NALCN: variants seen among roughly 807,000 people sequenced by gnomAD.
NALCN encodes sodium leak channel NALCN.
NALCN carries 111 observed loss-of-function variants against 225.3 expected under a neutral mutation model. The ratio of observed to expected loss-of-function variants is 0.49; its 90% CI spans 0.42 to 0.58. NALCN has a LOEUF of 0.58. NALCN is among the 20% of genes least tolerant of loss of function. NALCN has a pLI of 0.00. For synonymous variants in NALCN, 764 were observed against 769.0 expected (o/e 0.99, Z 0.11); for missense variants, 1,378 against 2,202.4 (o/e 0.63, Z 7.49).
intron 15 of NALCN, among the ~76,000 whole-genome samples, chr13:101,145,416 C>G (rs77313334): frequency 0.037 from 5,690 of 152,248 alleles, 357 homozygotes; most frequent in African/African-American, 0.13. Flanking sequence ...ACAAATACCA[C>G]ATTTGGTCCA....
chr13:101,107,612 T>C lies in NALCN; in HGVS notation c.2457-3A>G. On this transcript the variant is annotated splice_region_variant and splice_polypyrimidine_tract_variant and intron_variant, in intron 21 of 43. Transcript: ENST00000251127. ...TGAGTTCCTCTTCTTGCACTTTCCT[T>C]GAAGGAGAAATTCATGGGAGAATGA... is the stretch of plus-strand genomic sequence containing the variant. 6.2e-7 allele frequency: 1 copy of C among 1,614,070 alleles called. No homozygotes were observed. The highest frequency in any genetic ancestry group is 8.5e-7 in the Non-Finnish European group (1 of 1,179,928).
At chr13:101,271,957 T>A (rs1356721895) in intron 10 of NALCN, among the ~76,000 whole-genome samples, 1 of 151,418 alleles carries the variant, frequency 6.6e-6, no homozygotes, top group African/African-American at 2.4e-5. Context: ...TGCATGAGCA[T>A]GTGCGTGTAG....
intron 7 of NALCN, among the ~76,000 whole-genome samples, chr13:101,323,369 G>A (rs1236266536): frequency 6.6e-6 from 1 of 152,072 alleles, no homozygotes; most frequent in Non-Finnish European, 1.5e-5. Flanking sequence ...AAATTTTACG[G>A]CATAATCTGT....
intron 17 of NALCN, among the ~76,000 whole-genome samples, chr13:101,130,982 A>G (rs917518454): frequency 2.6e-5 from 4 of 151,960 alleles, no homozygotes; most frequent in Non-Finnish European, 5.9e-5. Flanking sequence ...ACTTTCTTCA[A>G]TTTGTCATTT....
intron 7 of NALCN, among the ~76,000 whole-genome samples, chr13:101,302,820 A>G (rs2044019899): frequency 6.6e-6 from 1 of 152,110 alleles, no homozygotes. Context: ...TGTATTTGCT[A>G]TCCACATTCT....
chr13:101,134,112 G>C (rs1037965033), intron 17 of NALCN, among the ~76,000 whole-genome samples: 1 of 152,164 alleles, frequency 6.6e-6, no homozygotes, highest in African/African-American at 2.4e-5. Context: ...AGAGCTTGCA[G>C]TGAGCTGAGA....
intron 13 of NALCN, among the ~76,000 whole-genome samples, chr13:101,194,847 T>C (rs2039824970): frequency 1.3e-5 from 2 of 152,018 alleles, no homozygotes; most frequent in Admixed American, 6.6e-5. Context: ...CTACTAAAAA[T>C]ACAAAAATTA....
intron 43 of NALCN, chr13:101,057,293 A>T (rs1404920149): frequency 2.0e-5 from 3 of 153,578 alleles, no homozygotes; most frequent in Non-Finnish European, 2.9e-5. Context: ...CCAAAACCCT[A>T]TAGAGAAGAA....
chr13:101,327,701 C>A (rs567955348), intron 7 of NALCN, among the ~76,000 whole-genome samples: 1 of 151,832 alleles, frequency 6.6e-6, no homozygotes, highest in Non-Finnish European at 1.5e-5. Flanking sequence ...AGGGCCAGAA[C>A]TGGATTTGTG....
intron 7 of NALCN, among the ~76,000 whole-genome samples, chr13:101,317,141 A>G (rs181961705): frequency 8.5e-5 from 13 of 152,274 alleles, no homozygotes; most frequent in Admixed American, 6.5e-4. Context: ...ATTTCCTGAA[A>G]TTGTTTAGTC....
At chr13:101,322,623 A>G (rs1187069614) in intron 7 of NALCN, among the ~76,000 whole-genome samples, 1 of 152,204 alleles carries the variant, frequency 6.6e-6, no homozygotes, top group Non-Finnish European at 1.5e-5. Context: ...TCTAACCTCT[A>G]TCATTTGTGA....
At chr13:101,121,965 TTTTAAA>T (rs1347361564) in intron 18 of NALCN, among the ~76,000 whole-genome samples, 2 of 150,870 alleles carry the variant, frequency 1.3e-5, no homozygotes, top group African/African-American at 2.5e-5. Flanking sequence ...TTTTTTTTTT[TTTTAAA>T]AAAAATTCTT....
At chr13:101,319,894 A>G (rs1358521882) in intron 7 of NALCN, among the ~76,000 whole-genome samples, 1 of 152,200 alleles carries the variant, frequency 6.6e-6, no homozygotes, top group Non-Finnish European at 1.5e-5. Context: ...AAAAATAGCT[A>G]TTCTATTCCC....
At chr13:101,358,822 A>G (rs925860149) in intron 6 of NALCN, among the ~76,000 whole-genome samples, 1 of 152,244 alleles carries the variant, frequency 6.6e-6, no homozygotes, top group Non-Finnish European at 1.5e-5. Context: ...AGACTGGACT[A>G]AGAAAATGTG....
intron 7 of NALCN, among the ~76,000 whole-genome samples, chr13:101,329,543 CA>C (rs1191662392): frequency 6.6e-6 from 1 of 151,348 alleles, no homozygotes; most frequent in East Asian, 1.9e-4. Context: ...TATTCAGCAG[CA>C]AAAAAATACT....
rs79941276 is a variant in NALCN, at chr13:101,133,569, C to A, written c.2119-8888G>T. Among the ~76,000 whole-genome samples, 351 of 152,148 alleles carry A rather than the reference C, an allele frequency of 2.3e-3. 2 individuals carry two copies. The highest frequency in any genetic ancestry group is 7.6e-3 in the African/African-American group (314 of 41,508). On this transcript the variant is annotated intron_variant, in intron 17 of 43. Transcript: ENST00000251127. ...AGCAATTACTTAAAATTGCATGGGT[C>A]GAAGGTGGTATCTCATTTGACTGTA...
At chr13:101,372,755 A>G (rs1462539114) in intron 6 of NALCN, among the ~76,000 whole-genome samples, 1 of 152,144 alleles carries the variant, frequency 6.6e-6, no homozygotes, top group Non-Finnish European at 1.5e-5. Flanking sequence ...AAAATGTTAA[A>G]AGATGTCTAT....
chr13:101,280,123 C>T (rs1273106865), intron 10 of NALCN, among the ~76,000 whole-genome samples: 2 of 152,082 alleles, frequency 1.3e-5, no homozygotes, highest in East Asian at 1.9e-4. Context: ...TCTCTAATCA[C>T]AGCTCCTGCC....
chr13:101,083,211 G>A lies in NALCN; in HGVS notation c.3584-13C>T, dbSNP rs1320236508. ...AAACCATCATTATCTAGAAAAGAAA[G>A]GTTTGGGCAAGGGCATTTTAGACAC... On this transcript the variant is annotated splice_polypyrimidine_tract_variant and intron_variant, in intron 31 of 43. Transcript: ENST00000251127. 6.2e-7 allele frequency: 1 copy of A among 1,609,636 alleles called. No individual in the cohort carries two copies. Among genetic ancestry groups the A allele is most frequent in the Non-Finnish European group, 8.5e-7 (1 of 1,176,636 alleles).
Sources: gnomAD v4.1 joint callset for allele counts (sites outside exome capture counted in the v4.1 genomes callset) on GRCh38, gnomAD v4.1.1 for gene constraint, MANE v1.5 for transcripts, NCBI Gene and HGNC (gene_info 2026-07-23, HGNC 2026-07-21) for gene names.